Variants in SAMD12 observed in about 807,000 individuals in gnomAD.
The protein encoded by SAMD12 is sterile alpha motif domain containing 12.
SAMD12 carries 9 observed loss-of-function variants against 15.0 expected under a neutral mutation model. The ratio of observed to expected loss-of-function variants is 0.60; its 90% CI spans 0.36 to 1.05. The LOEUF (loss-of-function observed/expected upper bound fraction) is 1.05, where lower values mean the gene tolerates loss of function less well. Among genes scored for constraint, SAMD12 ranks in the 50% least tolerant of loss-of-function variants. The pLI is 0.01. For synonymous variants in SAMD12, 86 were observed against 90.1 expected, an observed-to-expected ratio of 0.96 and a Z score of 0.25; for missense variants, 230 against 234.2, an observed-to-expected ratio of 0.98 and a Z score of 0.12.
chr8:118,565,904 T>G (rs1309258468), intron 2 of SAMD12, among the ~76,000 whole-genome samples: 2 of 152,166 alleles, frequency 1.3e-5, no homozygotes, highest in African/African-American at 4.8e-5. Context: ...GATGTCAAAT[T>G]TGTCCACTTC....
At chr8:118,492,940 T>C (rs1824492044) in intron 2 of SAMD12, among the ~76,000 whole-genome samples, 1 of 152,160 alleles carries the variant, frequency 6.6e-6, no homozygotes, top group Non-Finnish European at 1.5e-5. Context: ...TCAAAGATAC[T>C]ACACCAAAAT....
chr8:118,535,505 G>A (rs1825814823), intron 2 of SAMD12, among the ~76,000 whole-genome samples: 1 of 152,350 alleles, frequency 6.6e-6, no homozygotes, highest in South Asian at 2.1e-4. Flanking sequence ...GTCTGCAGAA[G>A]TTTCTGCTTC....
intron 2 of SAMD12, among the ~76,000 whole-genome samples, chr8:118,513,009 ATT>A (rs11294934): frequency 0.011 from 1,613 of 150,512 alleles, 18 homozygotes; most frequent in Non-Finnish European, 0.016. Flanking sequence ...GAATACTTAT[ATT>A]TTTTTTTTTT....
intron 4 of SAMD12, among the ~76,000 whole-genome samples, chr8:118,329,883 G>C (rs899038696): frequency 2.0e-5 from 3 of 151,848 alleles, no homozygotes; most frequent in Non-Finnish European, 4.4e-5. Context: ...CTTTTTTTGT[G>C]AACTTCCTCC....
intron 1 of SAMD12, among the ~76,000 whole-genome samples, chr8:118,592,683 T>C (rs1032581045): frequency 3.9e-5 from 6 of 152,250 alleles, no homozygotes; most frequent in South Asian, 2.1e-4. Context: ...TTTAATGATA[T>C]TGATTTCTTC....
At chr8:118,508,139 G>T (rs1824974485) in intron 2 of SAMD12, among the ~76,000 whole-genome samples, 1 of 151,040 alleles carries the variant, frequency 6.6e-6, no homozygotes, top group African/African-American at 2.4e-5. Flanking sequence ...GACTACAGGT[G>T]TGAGCCACTG....
chr8:118,150,543 AT>A, the SAMD12 span, among the ~76,000 whole-genome samples: 1 of 151,894 alleles, frequency 6.6e-6, no homozygotes, highest in African/African-American at 2.4e-5. Flanking sequence ...TTATTTTTAA[AT>A]TTTTTGTAGA....
intron 4 of SAMD12, among the ~76,000 whole-genome samples, chr8:118,343,626 T>G (rs987635733): frequency 1.4e-4 from 22 of 152,222 alleles, no homozygotes; most frequent in African/African-American, 5.3e-4. Flanking sequence ...TTTTACATTT[T>G]GTGCCAAGCA....
intron 2 of SAMD12, among the ~76,000 whole-genome samples, chr8:118,488,012 T>G (rs1335349329): frequency 2.6e-5 from 4 of 152,086 alleles, no homozygotes; most frequent in Non-Finnish European, 5.9e-5. Context: ...TGAATCTAAA[T>G]GAAAGTATGC....
chr8:118,373,075 G>A (rs1819188759), downstream of SAMD12, among the ~76,000 whole-genome samples: 1 of 152,104 alleles, frequency 6.6e-6, no homozygotes, highest in South Asian at 2.1e-4. Flanking sequence ...CTTGATTGTT[G>A]TGGTAGTTAT....
At chr8:118,464,634 A>C (rs1184801290) in intron 2 of SAMD12, among the ~76,000 whole-genome samples, 1 of 152,096 alleles carries the variant, frequency 6.6e-6, no homozygotes, top group Non-Finnish European at 1.5e-5. Context: ...ACACAGAAAA[A>C]ACTCTATTTG....
chr8:118,496,297 A>G (rs1219541089), intron 2 of SAMD12, among the ~76,000 whole-genome samples: 3 of 152,234 alleles, frequency 2.0e-5, no homozygotes, highest in Non-Finnish European at 4.4e-5. Context: ...AGCTGAAGGC[A>G]TCACACTACC....
Position 118,458,812 on chromosome 8 carries a change from C to G in SAMD12, c.193-18851G>C, listed in dbSNP as rs1823331042. ...GGCCATAATTTGTTTTAGAGTCAAA[C>G]TAGTTTTCAAGTTACTGTTATTCGT... On this transcript the variant is annotated intron_variant, in intron 2 of 3. Transcript: ENST00000314727. 2.0e-5 allele frequency among the ~76,000 whole-genome samples: 3 copies of G among 152,138 alleles called. No homozygotes were observed. The South Asian group carries it at 6.2e-4, about 32-fold the overall frequency.
chr8:118,344,479 G>C (rs1373941134), intron 4 of SAMD12, among the ~76,000 whole-genome samples: 1 of 152,204 alleles, frequency 6.6e-6, no homozygotes, highest in Non-Finnish European at 1.5e-5. Flanking sequence ...CCAGTTTAAA[G>C]ATGAGGAAAT....
In SAMD12 at chr8:118,489,682, A is replaced by C. The variant is rs559324019; in HGVS notation, c.193-49721T>G. ...ACAATACTGTTCATGTGATGGATTT[A>C]TAATGCCTCCAATTTTCACATTAAA... On this transcript the variant is annotated intron_variant, in intron 2 of 3. Transcript: ENST00000314727. Among the ~76,000 whole-genome samples, 6 of 152,312 alleles carry C rather than the reference A, an allele frequency of 3.9e-5. No homozygotes were observed. The East Asian group carries it at 9.6e-4, about 24-fold the overall frequency.
intron 3 of SAMD12, among the ~76,000 whole-genome samples, chr8:118,385,920 G>A (rs1478486463): frequency 1.3e-5 from 2 of 152,178 alleles, no homozygotes; most frequent in Non-Finnish European, 2.9e-5. Flanking sequence ...TTTCATTGTG[G>A]TGACCACAGA....
At chr8:118,609,431 G>C (rs1217959928) in intron 1 of SAMD12, among the ~76,000 whole-genome samples, 2 of 152,220 alleles carry the variant, frequency 1.3e-5, no homozygotes, top group Non-Finnish European at 2.9e-5. Flanking sequence ...CTTAACCGAA[G>C]ATTAGGAAGA....
At chr8:118,280,385 C>G (rs1379601635) in intron 4 of SAMD12, among the ~76,000 whole-genome samples, 2 of 152,122 alleles carry the variant, frequency 1.3e-5, no homozygotes, top group African/African-American at 4.8e-5. Context: ...GCTGCCTTGA[C>G]CACTCTGTGC....
intron 4 of SAMD12, among the ~76,000 whole-genome samples, chr8:118,257,519 A>G (rs1359403157): frequency 2.0e-5 from 3 of 152,068 alleles, no homozygotes; most frequent in East Asian, 1.9e-4. Flanking sequence ...TTTCTCTTCA[A>G]CAGAACTCCT....
Sources: gnomAD v4.1 joint callset for allele counts (sites outside exome capture counted in the v4.1 genomes callset) on GRCh38, gnomAD v4.1.1 for gene constraint, MANE v1.5 for transcripts, NCBI Gene and HGNC (gene_info 2026-07-23, HGNC 2026-07-21) for gene names.